EPS8: variants seen among roughly 807,000 people sequenced by gnomAD.
The protein encoded by EPS8 is EGFR pathway substrate 8, signaling adaptor.
In EPS8, 42 loss-of-function variants were observed where a neutral mutation model predicts 103.8. The observed-to-expected ratio is 0.40, with a 90% CI of 0.32 to 0.52. The LOEUF (loss-of-function observed/expected upper bound fraction) is 0.52. Among genes scored for constraint, EPS8 ranks in the 20% least tolerant of loss-of-function variants. The pLI is 0.40. For synonymous variants in EPS8, 344 were observed against 344.6 expected (o/e 1.00, Z 0.02); for missense variants, 969 against 1,005.1 (o/e 0.96, Z 0.49).
At position 15,780,378 on chromosome 12, in the gene EPS8, C is replaced by T. The variant is rs1947248028; in HGVS notation, c.-22+8783G>A. Among the ~76,000 whole-genome samples the T allele has an allele frequency of 6.6e-6, 1 of 151,776 alleles. No individual in the cohort carries two copies. Among genetic ancestry groups the T allele is most frequent in the Admixed American group, 6.6e-5 (1 of 15,218 alleles). ...GAGAGATGAGCGTCTCGCTTTGCCT[C>T]AAAAATTCATTCTATGAGACTCAAA... On this transcript the variant is annotated intron_variant, in intron 1 of 20. Transcript: ENST00000281172. This position sits in a 1 kb window ranked among gnomAD's most constrained non-coding sequence, Gnocchi z 4.1.
intron 15 of EPS8, among the ~76,000 whole-genome samples, chr12:15,644,098 G>A (rs1320818770): frequency 6.6e-6 from 1 of 152,132 alleles, no homozygotes; most frequent in Non-Finnish European, 1.5e-5. Context: ...TAATTTAGTA[G>A]GTAGACACAT....
rs7135463 is a variant in EPS8 at position 15,759,029 on chromosome 12, A to T, written c.-22+30132T>A. The stretch of plus-strand genomic sequence containing the variant: ...TGGATTCTTCTACAGATTTTTTTTT[A>T]AAATTTTTTAATTAAAAGATGCAGG... On this transcript the variant is annotated intron_variant, in intron 1 of 20. Coordinates refer to ENST00000281172, the MANE Select transcript of EPS8 (RefSeq NM_004447.6). The surrounding 1 kb of genome is among the most constrained non-coding windows in gnomAD (Gnocchi z 4.9). Among the ~76,000 whole-genome samples, 18,702 of 151,920 alleles carry T rather than the reference A, an allele frequency of 0.12. 3,555 individuals carry two copies. The highest frequency in any genetic ancestry group is 0.41 in the African/African-American group (16,793 of 41,296).
chr12:15,687,075 C>A (rs1300481198), intron 1 of EPS8, among the ~76,000 whole-genome samples: 1 of 151,958 alleles, frequency 6.6e-6, no homozygotes, highest in African/African-American at 2.4e-5. Flanking sequence ...TTAATTTCCA[C>A]CAATACTTTG....
At chr12:15,743,488 C>CA (rs1311645583) in intron 1 of EPS8, among the ~76,000 whole-genome samples, 1 of 152,102 alleles carries the variant, frequency 6.6e-6, no homozygotes, top group African/African-American at 2.4e-5. Context: ...AAGCTGGAGG[C>CA]TCACGCTACC....
chr12:15,722,275 C>G (rs1253247593), intron 1 of EPS8, among the ~76,000 whole-genome samples: 1 of 151,922 alleles, frequency 6.6e-6, no homozygotes, highest in Non-Finnish European at 1.5e-5. Context: ...CAAAGCTGTC[C>G]TGGGCCTCAG....
rs143211337 is a variant in EPS8, at chr12:15,738,867, G to T, written c.-22+50294C>A. ...AGGACCTCAGATTAAATCATTAAGC[G>T]TGCCACGTTAAACAGTCCATGGTGG... is the stretch of plus-strand genomic sequence containing the variant. On this transcript the variant is annotated intron_variant, in intron 1 of 20. Coordinates refer to ENST00000281172, the MANE Select transcript of EPS8 (RefSeq NM_004447.6). The surrounding 1 kb of genome is among the most constrained non-coding windows in gnomAD (Gnocchi z 6.2). Among the ~76,000 whole-genome samples, 2 of 152,092 alleles carry T rather than the reference G, an allele frequency of 1.3e-5. No individual in the cohort carries two copies. Among genetic ancestry groups the T allele is most frequent in the Non-Finnish European group, 2.9e-5 (2 of 68,018 alleles).
chr12:15,737,452 G>GACA (rs536441405), intron 1 of EPS8, among the ~76,000 whole-genome samples: 10 of 152,082 alleles, frequency 6.6e-5, no homozygotes, highest in South Asian at 2.1e-4. Flanking sequence ...GAAAAATAAT[G>GACA]ACAACAACAA....
At chr12:15,742,227 C>T (rs1428548534) in intron 1 of EPS8, among the ~76,000 whole-genome samples, 2 of 152,120 alleles carry the variant, frequency 1.3e-5, no homozygotes, top group Admixed American at 6.5e-5. Flanking sequence ...GGGTACATAC[C>T]CAGTAATGGG....
Position 15,681,240 on chromosome 12 carries a change from G to C in EPS8, c.122C>G (p.Ala41Gly). Residue 41 changes from alanine to glycine, a missense_variant, in exon 3 of 21, where the codon GCA (alanine) becomes GGA (glycine). Transcript: ENST00000281172. The part of the protein sequence containing the change: ...TDREHGSKTS[A>G]KALYEQRKNY... The stretch of plus-strand genomic sequence containing the variant: ...AACAAACCTACCATAAAGGGCCTTT[G>C]CACTTGTTTTTGAACCATGTTCTCT... The C allele has an allele frequency of 6.4e-7, 1 of 1,566,966 alleles. No individual in the cohort carries two copies.
chr12:15,767,395 C>T lies in EPS8; in HGVS notation c.-22+21766G>A, dbSNP rs752960513. On this transcript the variant is annotated intron_variant, in intron 1 of 20. Coordinates refer to ENST00000281172, the MANE Select transcript of EPS8 (RefSeq NM_004447.6). This position sits in a 1 kb window ranked among gnomAD's most constrained non-coding sequence, Gnocchi z 5.5. ...ATGTTTCTGCTATGAAATGTTTTAT[C>T]TTGACGCTTTCTATTCTAAAGCCAC... Among the ~76,000 whole-genome samples, 2 of 152,084 alleles carry T rather than the reference C, an allele frequency of 1.3e-5. No homozygotes were observed. The highest frequency in any genetic ancestry group is 4.1e-4 in the South Asian group (2 of 4,826).
At position 15,641,892 on chromosome 12, in the gene EPS8, A is replaced by G. The variant is rs568407952; in HGVS notation, c.1569-62T>C. 24 of 898,054 alleles carry G rather than the reference A, an allele frequency of 2.7e-5. No homozygotes were observed. The East Asian group carries it at 3.9e-4, about 15-fold the overall frequency. 55.6% of individuals were successfully genotyped at this position (898,054 alleles called of 1,614,324 possible). A position where few individuals can be genotyped will look rare whatever the true frequency, so the allele number is the denominator to read the frequency against. On this transcript the variant is annotated intron_variant, in intron 15 of 20. Coordinates refer to ENST00000281172, the MANE Select transcript of EPS8 (RefSeq NM_004447.6). ...GCTCTTCCTAAAGGATAAAAATGGAAAACACTGAGACAAGCCAAATCCTAC... is the reference window on the plus strand; with the variant it reads ...GCTCTTCCTAAAGGATAAAAATGGAGAACACTGAGACAAGCCAAATCCTAC...
At chr12:15,627,429 C>T (rs1014481719) in intron 18 of EPS8, among the ~76,000 whole-genome samples, 4 of 152,084 alleles carry the variant, frequency 2.6e-5, no homozygotes, top group African/African-American at 9.7e-5. Flanking sequence ...TCAATAAATA[C>T]TTGTTGAATA....
chr12:15,783,055 G>A (rs917997034), intron 1 of EPS8, among the ~76,000 whole-genome samples: 4 of 152,128 alleles, frequency 2.6e-5, no homozygotes, highest in African/African-American at 9.7e-5. Context: ...ACAGAGAAAA[G>A]TCATGACATT....
rs147538447 is a variant in EPS8 at position 15,702,806 on chromosome 12, G to T, written c.-21-19834C>A. Among the ~76,000 whole-genome samples the T allele has an allele frequency of 7.6e-4, 116 of 152,186 alleles. 1 individual carries two copies. The highest frequency in any genetic ancestry group is 2.6e-3 in the African/African-American group (110 of 41,514). On this transcript the variant is annotated intron_variant, in intron 1 of 20. Coordinates refer to ENST00000281172, the MANE Select transcript of EPS8 (RefSeq NM_004447.6). The surrounding 1 kb of genome is among the most constrained non-coding windows in gnomAD (Gnocchi z 5.1). ...ATGAAAGGAATTCTAGCTTATGCAC[G>T]TAATGGTTATTAAAGGTAAACATTC...
At chr12:15,641,262 C>T (rs534339455) in intron 16 of EPS8, among the ~76,000 whole-genome samples, 1 of 152,218 alleles carries the variant, frequency 6.6e-6, no homozygotes, top group African/African-American at 2.4e-5. Context: ...AGAAGATGAA[C>T]TGTCAATTAG....
In EPS8 at chr12:15,748,265, C is replaced by T. The variant is rs1161793074; in HGVS notation, c.-22+40896G>A. Among the ~76,000 whole-genome samples the T allele has an allele frequency of 2.6e-5, 4 of 151,962 alleles. No homozygotes were observed. Among genetic ancestry groups the T allele is most frequent in the East Asian group, 1.9e-4 (1 of 5,190 alleles). The stretch of plus-strand genomic sequence containing the variant: ...ATAATGTAAAATGTTTTGAAAACTT[C>T]GAAATTCTTCACAAATATCAATTAA... On this transcript the variant is annotated intron_variant, in intron 1 of 20. Transcript: ENST00000281172. This position sits in a 1 kb window ranked among gnomAD's most constrained non-coding sequence, Gnocchi z 4.8.
intron 17 of EPS8, chr12:15,631,897 A>G (rs962755374): frequency 2.5e-6 from 1 of 396,354 alleles, no homozygotes; most frequent in African/African-American, 2.0e-5. Flanking sequence ...GGCTACGTCA[A>G]TAGCAAATAG....
In EPS8 at chr12:15,757,088, T is replaced by C. The variant is rs1946993241; in HGVS notation, c.-22+32073A>G. ...TCCATAAGCTCCAAGTGGATAATGA[T>C]CATATCTCATAAATTTTATGTCCCT... On this transcript the variant is annotated intron_variant, in intron 1 of 20. Coordinates refer to ENST00000281172, the MANE Select transcript of EPS8 (RefSeq NM_004447.6). This position sits in a 1 kb window ranked among gnomAD's most constrained non-coding sequence, Gnocchi z 4.1. 1.3e-5 allele frequency among the ~76,000 whole-genome samples: 2 copies of C among 152,306 alleles called. No homozygotes were observed. Among genetic ancestry groups the C allele is most frequent in the African/African-American group, 4.8e-5 (2 of 41,580 alleles).
At chr12:15,746,717 C>A (rs1027184702) in intron 1 of EPS8, among the ~76,000 whole-genome samples, 7 of 152,110 alleles carry the variant, frequency 4.6e-5, no homozygotes, top group Non-Finnish European at 5.9e-5. Context: ...GGTTTCCTTA[C>A]CTGAAAAGCA....
Sources: allele counts gnomAD v4.1 joint callset (sites outside exome capture counted in the v4.1 genomes callset), GRCh38; gene constraint gnomAD v4.1.1; non-coding constraint Gnocchi (gnomAD v3.1); transcripts MANE v1.5; gene names NCBI Gene and HGNC (gene_info 2026-07-23, HGNC 2026-07-21).